The following STXBP5L variants were observed in gnomAD, a reference collection of about 807,000 sequenced individuals.
The protein encoded by STXBP5L is syntaxin binding protein 5L.
In STXBP5L, 65 loss-of-function variants were observed where a neutral mutation model predicts 144.5. The observed-to-expected ratio is 0.45, with a 90% confidence interval of 0.37 to 0.55. STXBP5L has a LOEUF of 0.55. Among genes scored for constraint, STXBP5L ranks in the 20% least tolerant of loss-of-function variants. The pLI, the probability that STXBP5L is intolerant of heterozygous loss-of-function variation, is 0.00. For missense variants in STXBP5L, 1,298 were observed against 1,405.5 expected (o/e 0.92, Z 1.22); for synonymous variants, 505 against 469.6 (o/e 1.08, Z -0.97).
At chr3:121,157,075 C>A (rs2046140815) in intron 8 of STXBP5L, among the ~76,000 whole-genome samples, 1 of 151,994 alleles carries the variant, frequency 6.6e-6, no homozygotes, top group Non-Finnish European at 1.5e-5. Context: ...ATAGTATATG[C>A]AAGAGGGCAA....
At chr3:121,366,329 C>A (rs972424332) in intron 20 of STXBP5L, among the ~76,000 whole-genome samples, 3 of 151,958 alleles carry the variant, frequency 2.0e-5, no homozygotes, top group African/African-American at 7.2e-5. Flanking sequence ...GTTGGTCTAT[C>A]TATTTTTCAG....
At chr3:121,225,920 C>A (rs2049109145) in intron 11 of STXBP5L, among the ~76,000 whole-genome samples, 1 of 152,198 alleles carries the variant, frequency 6.6e-6, no homozygotes, top group Admixed American at 6.6e-5. Flanking sequence ...TCCAACAGGG[C>A]CTTAGCTACT....
In STXBP5L at chr3:121,419,385, G is replaced by A; in HGVS notation, c.*288G>A. The A allele has an allele frequency of 3.7e-6, 1 of 266,832 alleles. No individual in the cohort carries two copies. Among genetic ancestry groups the A allele is most frequent in the Non-Finnish European group, 7.0e-6 (1 of 143,808 alleles). 16.5% of individuals were successfully genotyped at this position (266,832 alleles called of 1,614,324 possible). Reference sequence around the variant, plus strand: ...GATTTATATTTAGTAACTACGGGGAGTCCTCTTGATTTGAAAATTCCTGTA... The same window carrying A: ...GATTTATATTTAGTAACTACGGGGAATCCTCTTGATTTGAAAATTCCTGTA... On this transcript the variant is annotated 3_prime_UTR_variant, in exon 27 of 27. Transcript: ENST00000471454.
At chr3:121,154,668 A>G (rs563293080) in intron 8 of STXBP5L, among the ~76,000 whole-genome samples, 126 of 151,936 alleles carry the variant, frequency 8.3e-4, no homozygotes, top group Non-Finnish European at 1.5e-3. Flanking sequence ...TTTATGCTAA[A>G]AAAAGAACAT....
chr3:121,384,784 AG>A (rs1394109412), intron 22 of STXBP5L, among the ~76,000 whole-genome samples: 1 of 152,050 alleles, frequency 6.6e-6, no homozygotes, highest in East Asian at 1.9e-4. Flanking sequence ...CAAAATATAA[AG>A]GAAAAAAATG....
intron 10 of STXBP5L, among the ~76,000 whole-genome samples, chr3:121,218,604 G>A (rs1347549482): frequency 6.6e-6 from 1 of 151,872 alleles, no homozygotes; most frequent in Non-Finnish European, 1.5e-5. Flanking sequence ...AGGGAGTAGG[G>A]AGGAGAACCA....
chr3:120,979,254 G>A (rs1941470723), intron 3 of STXBP5L, among the ~76,000 whole-genome samples: 1 of 152,332 alleles, frequency 6.6e-6, no homozygotes, highest in African/African-American at 2.4e-5. Flanking sequence ...GGCAATGGCA[G>A]GTGCCCCTCC....
At chr3:121,395,713 A>G (rs957441929) in intron 22 of STXBP5L, among the ~76,000 whole-genome samples, 1 of 152,208 alleles carries the variant, frequency 6.6e-6, no homozygotes, top group Admixed American at 6.5e-5. Flanking sequence ...AGGAATACTC[A>G]CAGCAATGGT....
At chr3:121,242,770 A>G (rs1425244124) in intron 14 of STXBP5L, among the ~76,000 whole-genome samples, 1 of 152,142 alleles carries the variant, frequency 6.6e-6, no homozygotes, top group Admixed American at 6.6e-5. Context: ...ACAATTTGAG[A>G]GTAAAAAGAC....
chr3:120,986,394 T>TAACA (rs1942287952), intron 3 of STXBP5L, among the ~76,000 whole-genome samples: 1 of 152,010 alleles, frequency 6.6e-6, no homozygotes, highest in Non-Finnish European at 1.5e-5. Flanking sequence ...TTAGATTAGT[T>TAACA]GATTTATTGT....
At chr3:121,094,230 G>GA (rs896015702) in intron 5 of STXBP5L, among the ~76,000 whole-genome samples, 2 of 152,120 alleles carry the variant, frequency 1.3e-5, no homozygotes, top group Non-Finnish European at 2.9e-5. Context: ...ATGTGGTGCT[G>GA]AAAAAAATGT....
intron 15 of STXBP5L, among the ~76,000 whole-genome samples, chr3:121,252,291 GGGAGGCA>G (rs1299465752): frequency 2.6e-5 from 4 of 151,222 alleles, no homozygotes; most frequent in Non-Finnish European, 5.9e-5. Context: ...GCTGGAATCT[GGGAGGCA>G]GAGGTTGCAG....
intron 5 of STXBP5L, among the ~76,000 whole-genome samples, chr3:121,096,615 G>C (rs1270159995): frequency 6.6e-6 from 1 of 152,084 alleles, no homozygotes; most frequent in Admixed American, 6.6e-5. Context: ...AGGTTGGCTG[G>C]AGTTTGCTGG....
chr3:120,988,659 A>C (rs1942534651), intron 3 of STXBP5L, among the ~76,000 whole-genome samples: 1 of 151,952 alleles, frequency 6.6e-6, no homozygotes, highest in Non-Finnish European at 1.5e-5. Flanking sequence ...ATCCTTGCTA[A>C]TTTTCTTTAA....
At chr3:120,965,778 A>G (rs1010721441) in intron 3 of STXBP5L, among the ~76,000 whole-genome samples, 5 of 152,152 alleles carry the variant, frequency 3.3e-5, no homozygotes, top group Non-Finnish European at 7.3e-5. Context: ...CTCAAAGAGT[A>G]TCTTTATGAT....
intron 5 of STXBP5L, among the ~76,000 whole-genome samples, chr3:121,076,079 G>A (rs1165235652): frequency 1.3e-5 from 2 of 152,180 alleles, no homozygotes; most frequent in Non-Finnish European, 2.9e-5. Flanking sequence ...GAGAAGGGCT[G>A]ATAAACGAAG....
At chr3:121,132,723 A>C (rs2045051448) in intron 7 of STXBP5L, among the ~76,000 whole-genome samples, 1 of 152,218 alleles carries the variant, frequency 6.6e-6, no homozygotes, top group South Asian at 2.1e-4. Context: ...ACTCTTAAAA[A>C]GAGACTCACT....
intron 5 of STXBP5L, among the ~76,000 whole-genome samples, chr3:121,095,830 G>T (rs1196131358): frequency 6.6e-6 from 1 of 152,158 alleles, no homozygotes; most frequent in Non-Finnish European, 1.5e-5. Flanking sequence ...TGCTGGTGAG[G>T]AACTGTGTTC....
intron 20 of STXBP5L, among the ~76,000 whole-genome samples, chr3:121,319,788 T>C (rs1455959961): frequency 1.3e-5 from 2 of 152,198 alleles, no homozygotes; most frequent in Admixed American, 6.5e-5. Flanking sequence ...TATAATTCAA[T>C]ACCCTTTATC....
Sources: allele counts gnomAD v4.1 joint callset (sites outside exome capture counted in the v4.1 genomes callset), GRCh38; gene constraint gnomAD v4.1.1; transcripts MANE v1.5; gene names NCBI Gene and HGNC (gene_info 2026-07-23, HGNC 2026-07-21).